The following AGBL1 variants were observed in gnomAD, a reference collection of about 807,000 sequenced individuals.
AGBL1 encodes the protein cytosolic carboxypeptidase 4.
Under a neutral mutation model 118.9 loss-of-function variants are expected in AGBL1, and 130 were observed. The ratio of observed to expected loss-of-function variants is 1.09; its 90% CI spans 0.95 to 1.26. The LOEUF is 1.26. Ranked by LOEUF, AGBL1 falls within the 50% of genes most tolerant of loss-of-function variation. The pLI is 0.00. For synonymous variants in AGBL1, 555 were observed against 478.9 expected (o/e 1.16, Z -2.08); for missense variants, 1,584 against 1,298.1 (o/e 1.22, Z -3.38).
chr15:86,797,150 C>T (rs1191052399), intron 22 of AGBL1, among the ~76,000 whole-genome samples: 1 of 152,220 alleles, frequency 6.6e-6, no homozygotes. Flanking sequence ...ATTTGTAGCA[C>T]CTTGCCCAGT....
In AGBL1 at chr15:86,613,468, G is replaced by A. The variant is rs968730507; in HGVS notation, c.2994+58931G>A. 6.6e-6 allele frequency among the ~76,000 whole-genome samples: 1 copy of A among 152,192 alleles called. No individual in the cohort carries two copies. Among genetic ancestry groups the A allele is most frequent in the Non-Finnish European group, 1.5e-5 (1 of 68,042 alleles). ...GGAGGAGCTGTGGGCATTTAGCTCA[G>A]ACAGAGAAGGCTTGCTGTGAAGTAC... On this transcript the variant is annotated intron_variant, in intron 21 of 22. Transcript: ENST00000614907. This position sits in a 1 kb window ranked among gnomAD's most constrained non-coding sequence, Gnocchi z 4.2.
At chr15:86,380,091 A>C (rs1261354998) in intron 17 of AGBL1, among the ~76,000 whole-genome samples, 1 of 152,100 alleles carries the variant, frequency 6.6e-6, no homozygotes, top group Non-Finnish European at 1.5e-5. Flanking sequence ...CTTGTATTAA[A>C]TGACTTCCCG....
rs759700884 is a variant in AGBL1 at position 86,264,264 on chromosome 15, C to G, written c.1093C>G (p.Gln365Glu). The G allele has an allele frequency of 1.9e-6, 3 of 1,589,964 alleles. No homozygotes were observed. The highest frequency in any genetic ancestry group is 1.7e-4 in the Middle Eastern group (1 of 5,994). ...LELSYSFEEL[Q>E]SKLGDDLNSE... ...TTCCATTTTGAACCTGAAGGAACTG[C>G]AGTCCAAACTTGGAGATGATTTGAA... The change falls in exon 11 of 23, where the codon CAG becomes GAG. Residue 365 changes from glutamine to glutamate, a missense_variant. Coordinates refer to ENST00000614907, the MANE Select transcript of AGBL1 (RefSeq NM_001386094.1).
intron 18 of AGBL1, among the ~76,000 whole-genome samples, chr15:86,494,625 T>G (rs143166460): frequency 4.3e-4 from 66 of 152,216 alleles, no homozygotes; most frequent in African/African-American, 1.5e-3. Flanking sequence ...GCTCATGACT[T>G]AAAAACATGA....
rs563012686 is a variant in AGBL1, at chr15:86,859,920, A to C, written c.3159-47167A>C. Among the ~76,000 whole-genome samples, 7 of 152,310 alleles carry C rather than the reference A, an allele frequency of 4.6e-5. No individual in the cohort carries two copies. The East Asian group carries it at 1.4e-3, about 29-fold the overall frequency. Reference sequence around the variant, plus strand: ...AAGATACTGTCGAGTTTGCTATCCAAAGTGAGATGATGAGACTTCCCACTG... The same window carrying C: ...AAGATACTGTCGAGTTTGCTATCCACAGTGAGATGATGAGACTTCCCACTG... On this transcript the variant is annotated intron_variant, in intron 22 of 22. Transcript: ENST00000614907.
At chr15:86,879,100 T>C (rs1462218822) in intron 22 of AGBL1, among the ~76,000 whole-genome samples, 2 of 152,224 alleles carry the variant, frequency 1.3e-5, no homozygotes, top group South Asian at 4.1e-4. Flanking sequence ...GGGTCAGAGG[T>C]GTTCCACCCA....
intron 22 of AGBL1, among the ~76,000 whole-genome samples, chr15:86,736,122 C>T (rs1050293378): frequency 1.3e-5 from 2 of 152,082 alleles, no homozygotes; most frequent in Non-Finnish European, 2.9e-5. Flanking sequence ...GTGACTCTCG[C>T]CTATAATTCC....
rs141072504 is a variant in AGBL1 at position 86,237,816 on chromosome 15, C to T, written c.527-9855C>T. On this transcript the variant is annotated intron_variant, in intron 6 of 22. Coordinates refer to ENST00000614907, the MANE Select transcript of AGBL1 (RefSeq NM_001386094.1). The stretch of plus-strand genomic sequence containing the variant: ...ACAGATTCCCCCGCTTTTGCACAAC[C>T]TGTTGGGATGAGTCTCAAAATGGTG... Among the ~76,000 whole-genome samples the T allele has an allele frequency of 9.1e-3, 1,379 of 152,286 alleles. 10 individuals are homozygous for T. The highest frequency in any genetic ancestry group is 0.032 in the African/African-American group (1,334 of 41,554).
chr15:86,665,485 A>G (rs2085628683), intron 21 of AGBL1, among the ~76,000 whole-genome samples: 2 of 152,116 alleles, frequency 1.3e-5, no homozygotes, highest in Non-Finnish European at 2.9e-5. Flanking sequence ...TTATTGTTAT[A>G]TTAATTTGCA....
chr15:86,213,153 A>C (rs2078129031), intron 5 of AGBL1, among the ~76,000 whole-genome samples: 1 of 152,226 alleles, frequency 6.6e-6, no homozygotes, highest in Non-Finnish European at 1.5e-5. Flanking sequence ...AGAGTTCCTC[A>C]AAACTAAAAG....
chr15:86,488,334 G>A (rs184016698), intron 18 of AGBL1, among the ~76,000 whole-genome samples: 147 of 151,760 alleles, frequency 9.7e-4, no homozygotes, highest in Non-Finnish European at 1.8e-3. Flanking sequence ...TCTTACCCCC[G>A]AGATTGCTGC....
chr15:86,187,185 T>C (rs924396385), intron 5 of AGBL1, among the ~76,000 whole-genome samples: 31 of 152,184 alleles, frequency 2.0e-4, no homozygotes, highest in African/African-American at 7.5e-4. Context: ...GTATCAGCAA[T>C]TAAAAAAGGA....
chr15:86,158,505 T>C (rs2077223010), intron 4 of AGBL1, among the ~76,000 whole-genome samples: 1 of 152,154 alleles, frequency 6.6e-6, no homozygotes, highest in South Asian at 2.1e-4. Flanking sequence ...GTGATCTAAG[T>C]GGAATAGGGT....
intron 17 of AGBL1, among the ~76,000 whole-genome samples, chr15:86,326,879 A>T (rs2141853832): frequency 6.6e-6 from 1 of 152,260 alleles, no homozygotes; most frequent in Non-Finnish European, 1.5e-5. Context: ...AACCATGAGC[A>T]GGAGGTAGAA....
Position 86,554,461 on chromosome 15 carries a change from T to A in AGBL1, c.2918T>A (p.Val973Glu), listed in dbSNP as rs1341827307. 6.3e-7 allele frequency: 1 copy of A among 1,588,074 alleles called. No individual in the cohort carries two copies. The highest frequency in any genetic ancestry group is 8.6e-7 in the Non-Finnish European group (1 of 1,167,476). The change falls in exon 21 of 23, where the codon GTG becomes GAG. Residue 973 changes from valine to glutamate, a missense_variant. Transcript: ENST00000614907. Reference protein sequence around the residue: ...KSRASTARVVVWREMGVSRSY... With the variant: ...KSRASTARVVEWREMGVSRSY... Reference sequence around the variant, plus strand: ...CGAGCTTCCACGGCCCGGGTGGTGGTGTGGAGAGAGATGGGGGTGTCCAGA... The same window carrying A: ...CGAGCTTCCACGGCCCGGGTGGTGGAGTGGAGAGAGATGGGGGTGTCCAGA...
rs1167808462 is a variant in AGBL1 at position 86,885,089 on chromosome 15, C to G, written c.3159-21998C>G. Among the ~76,000 whole-genome samples the G allele has an allele frequency of 2.0e-5, 3 of 147,588 alleles. No homozygotes were observed. In the East Asian group the frequency reaches 6.1e-4, roughly 30 times the overall value. ...TTTGAAATAAATTATAATATATAAC[C>G]TAGTTTAATTATATATAATGTGTAA... On this transcript the variant is annotated intron_variant, in intron 22 of 22. Coordinates refer to ENST00000614907, the MANE Select transcript of AGBL1 (RefSeq NM_001386094.1).
At chr15:86,903,301 G>A (rs1445758491) in intron 22 of AGBL1, among the ~76,000 whole-genome samples, 1 of 151,198 alleles carries the variant, frequency 6.6e-6, no homozygotes. Context: ...GTTTTTTACT[G>A]AGTTCTATAA....
chr15:87,000,141 G>A (rs2081421524), intron 24 of AGBL1, among the ~76,000 whole-genome samples: 1 of 79,210 alleles, frequency 1.3e-5, no homozygotes, highest in Non-Finnish European at 3.1e-5. Flanking sequence ...TTTGTCAGAT[G>A]AGTAGGTTGT....
chr15:86,710,258 A>T (rs2086533333), intron 22 of AGBL1, among the ~76,000 whole-genome samples: 1 of 152,178 alleles, frequency 6.6e-6, no homozygotes, highest in Non-Finnish European at 1.5e-5. Context: ...CCAAGTATCG[A>T]TGGATTGCAT....
Sources: gnomAD v4.1 joint callset for allele counts (sites outside exome capture counted in the v4.1 genomes callset) on GRCh38, gnomAD v4.1.1 for gene constraint, Gnocchi (gnomAD v3.1) non-coding constraint, MANE v1.5 for transcripts, NCBI Gene and HGNC (gene_info 2026-07-23, HGNC 2026-07-21) for gene names.